LGSN: variants seen among roughly 807,000 people sequenced by gnomAD.
LGSN encodes lengsin, lens protein with glutamine synthetase domain, also known as lengsin.
A neutral mutation model predicts 19.5 loss-of-function variants in LGSN; 21 were observed. That is an observed-to-expected ratio of 1.07 (90% CI 0.76 to 1.55). The LOEUF (loss-of-function observed/expected upper bound fraction) is 1.55, where lower values mean the gene tolerates loss of function less well. Ranked by LOEUF, LGSN falls within the 40% of genes most tolerant of loss-of-function variation. The pLI is 0.00. For synonymous variants in LGSN, 257 were observed against 215.6 expected, an observed-to-expected ratio of 1.19 and a Z score of -1.68; for missense variants, 673 against 608.5, an observed-to-expected ratio of 1.11 and a Z score of -1.12.
chr6:63,385,035 G>A, the LGSN span, among the ~76,000 whole-genome samples: 1 of 152,198 alleles, frequency 6.6e-6, no homozygotes, highest in African/African-American at 2.4e-5. Flanking sequence ...GAATCTTGGT[G>A]TTGAACTTCG....
the LGSN span, among the ~76,000 whole-genome samples, chr6:63,412,731 G>GAAAGAA: frequency 2.6e-5 from 1 of 38,572 alleles, no homozygotes; most frequent in Admixed American, 3.3e-4. Flanking sequence ...AAGAAAGAAA[G>GAAAGAA]AAAGAAAGAA....
the LGSN span, among the ~76,000 whole-genome samples, chr6:63,474,964 A>G: frequency 6.6e-6 from 1 of 152,098 alleles, no homozygotes; most frequent in South Asian, 2.1e-4. Flanking sequence ...AAATGAGACA[A>G]TGAATATTTC....
At chr6:63,356,335 T>C in the LGSN span, among the ~76,000 whole-genome samples, 2 of 151,852 alleles carry the variant, frequency 1.3e-5, no homozygotes, top group South Asian at 2.1e-4. Context: ...AAGTCAGGAG[T>C]TCGAGACCAG....
At chr6:63,454,880 C>T in the LGSN span, among the ~76,000 whole-genome samples, 2 of 146,328 alleles carry the variant, frequency 1.4e-5, no homozygotes. Context: ...GCAACCTCCA[C>T]GTCCTGAGTT....
the LGSN span, among the ~76,000 whole-genome samples, chr6:63,400,201 TG>T: frequency 6.6e-6 from 1 of 152,202 alleles, no homozygotes; most frequent in Non-Finnish European, 1.5e-5. Context: ...ACATTTGTAT[TG>T]ATATCACTAA....
At chr6:63,566,441 G>A in the LGSN span, among the ~76,000 whole-genome samples, 1 of 152,150 alleles carries the variant, frequency 6.6e-6, no homozygotes, top group African/African-American at 2.4e-5. Flanking sequence ...ATCAGTGCCT[G>A]GGAATGTTCA....
rs1767106104 is a variant in LGSN at position 63,276,315 on chromosome 6, G to A, written c.*3706C>T. The stretch of plus-strand genomic sequence containing the variant: ...CATTGCCTTCAAATAATCATTTCAA[G>A]CGTTGTTGTTATTCACACACTGTAA... On this transcript the variant is annotated 3_prime_UTR_variant, in exon 4 of 4. Coordinates refer to ENST00000370657, the MANE Select transcript of LGSN (RefSeq NM_016571.3). 6.6e-6 allele frequency: 1 copy of A among 152,088 alleles called. No homozygotes were observed. 9.4% of individuals were successfully genotyped at this position (152,088 alleles called of 1,614,324 possible).
chr6:63,563,569 T>C, the LGSN span, among the ~76,000 whole-genome samples: 1 of 152,224 alleles, frequency 6.6e-6, no homozygotes, highest in African/African-American at 2.4e-5. Flanking sequence ...ATAAATATAT[T>C]CTATGCTTAT....
the LGSN span, among the ~76,000 whole-genome samples, chr6:63,506,455 AG>A: frequency 1.3e-5 from 2 of 151,908 alleles, no homozygotes; most frequent in Non-Finnish European, 2.9e-5. Flanking sequence ...AGCAGAGACG[AG>A]GTTTCACTGT....
At chr6:63,325,724 T>C in the LGSN span, among the ~76,000 whole-genome samples, 1 of 152,182 alleles carries the variant, frequency 6.6e-6, no homozygotes, top group Non-Finnish European at 1.5e-5. Context: ...TTCAGATGTG[T>C]TCGGAGTTTC....
the LGSN span, among the ~76,000 whole-genome samples, chr6:63,534,101 T>TA: frequency 2.0e-5 from 3 of 152,050 alleles, no homozygotes; most frequent in Non-Finnish European, 4.4e-5. Flanking sequence ...CCTTGACCTA[T>TA]CAAAGTACTG....
At chr6:63,532,700 A>G in the LGSN span, among the ~76,000 whole-genome samples, 12 of 152,194 alleles carry the variant, frequency 7.9e-5, no homozygotes, top group Non-Finnish European at 1.0e-4. Flanking sequence ...AAAATCAATC[A>G]TATTATAACT....
chr6:63,407,574 T>C, the LGSN span, among the ~76,000 whole-genome samples: 1 of 152,182 alleles, frequency 6.6e-6, no homozygotes, highest in African/African-American at 2.4e-5. Flanking sequence ...GCCAATATCA[T>C]ACTGAATGGG....
At chr6:63,506,258 GTTGTTGT>G in the LGSN span, among the ~76,000 whole-genome samples, 8,120 of 151,440 alleles carry the variant, frequency 0.054, 736 homozygotes, top group African/African-American at 0.19. Flanking sequence ...TGGTGGTGTT[GTTGTTGT>G]TGTTGTTGTT....
chr6:63,559,585 A>G, the LGSN span, among the ~76,000 whole-genome samples: 3 of 152,052 alleles, frequency 2.0e-5, no homozygotes, highest in Non-Finnish European at 4.4e-5. Flanking sequence ...TCTCTACTAA[A>G]AATACAAAAA....
the LGSN span, among the ~76,000 whole-genome samples, chr6:63,434,604 C>CAAAAAAAAAAAA: frequency 6.1e-4 from 38 of 62,536 alleles, no homozygotes; most frequent in Non-Finnish European, 8.4e-4. Context: ...ACTAAAAATT[C>CAAAAAAAAAAAA]AAAAAAAAAA....
intron 3 of LGSN, among the ~76,000 whole-genome samples, chr6:63,282,370 TC>T (rs1767353917): frequency 6.6e-6 from 1 of 152,134 alleles, no homozygotes; most frequent in Admixed American, 6.5e-5. Flanking sequence ...TCTCTTTTTT[TC>T]CCCTTATAAA....
At chr6:63,561,329 T>C in the LGSN span, among the ~76,000 whole-genome samples, 1 of 152,220 alleles carries the variant, frequency 6.6e-6, no homozygotes, top group African/African-American at 2.4e-5. Flanking sequence ...TAGTGCTTAA[T>C]ACCCAACACA....
chr6:63,544,056 A>G, the LGSN span, among the ~76,000 whole-genome samples: 5 of 152,222 alleles, frequency 3.3e-5, no homozygotes, highest in South Asian at 6.2e-4. Flanking sequence ...CCCGTATTTC[A>G]TGTAGAGGAG....
Sources: gnomAD v4.1 joint callset for allele counts (sites outside exome capture counted in the v4.1 genomes callset) on GRCh38, gnomAD v4.1.1 for gene constraint, MANE v1.5 for transcripts, NCBI Gene and HGNC (gene_info 2026-07-23, HGNC 2026-07-21) for gene names.